LOXL1: variants seen among roughly 807,000 people sequenced by gnomAD.
The protein encoded by LOXL1 is lysyl oxidase homolog 1.
Under a neutral mutation model 62.2 loss-of-function variants are expected in LOXL1, and 31 were observed. That is an observed-to-expected ratio of 0.50 (90% CI 0.37 to 0.67). The LOEUF is 0.67. Among genes scored for constraint, LOXL1 ranks in the 30% least tolerant of loss-of-function variants. The pLI is 0.00. For missense variants in LOXL1, 775 were observed against 843.4 expected, an observed-to-expected ratio of 0.92 and a Z score of 1.00; for synonymous variants, 403 against 384.4, an observed-to-expected ratio of 1.05 and a Z score of -0.56.
intron 1 of LOXL1, among the ~76,000 whole-genome samples, chr15:73,928,672 T>C (rs1595842847): frequency 6.7e-6 from 1 of 148,996 alleles, no homozygotes; most frequent in Non-Finnish European, 1.5e-5. Flanking sequence ...TCAGTAATAG[T>C]GGTATGCCGA....
chr15:73,951,518 A>T (rs996225715), intron 6 of LOXL1, among the ~76,000 whole-genome samples: 1 of 152,118 alleles, frequency 6.6e-6, no homozygotes, highest in Non-Finnish European at 1.5e-5. Flanking sequence ...TTAAAAAAAA[A>T]AAAGTACTGA....
intron 1 of LOXL1, among the ~76,000 whole-genome samples, chr15:73,932,393 T>C (rs1444631165): frequency 6.6e-6 from 1 of 151,134 alleles, no homozygotes; most frequent in Non-Finnish European, 1.5e-5. Flanking sequence ...ACCATGCATT[T>C]AAAAAAAAAA....
chr15:73,935,880 C>G (rs895317735), intron 1 of LOXL1, among the ~76,000 whole-genome samples: 1 of 149,874 alleles, frequency 6.7e-6, no homozygotes, highest in African/African-American at 2.5e-5. Flanking sequence ...GTGTTCAGGA[C>G]TGACAGGGTG....
chr15:73,930,284 C>T lies in LOXL1; in HGVS notation c.1102+2399C>T, dbSNP rs1051038695. ...ACTTCCACAGGAAGCAATGTCTAAG[C>T]ATTGCTGCAAGGGATGGTCATCAGC... is the stretch of plus-strand genomic sequence containing the variant. On this transcript the variant is annotated intron_variant, in intron 1 of 6. Transcript: ENST00000261921. The surrounding 1 kb of genome is among the most constrained non-coding windows in gnomAD (Gnocchi z 4.7). Among the ~76,000 whole-genome samples the T allele has an allele frequency of 6.6e-6, 1 of 152,176 alleles. No individual in the cohort carries two copies. The highest frequency in any genetic ancestry group is 2.4e-5 in the African/African-American group (1 of 41,436).
At position 73,927,442 on chromosome 15, in the gene LOXL1, C is replaced by A; in HGVS notation, c.659C>A (p.Ala220Asp). ...GGVGAGAAAV[A>D]SAGVIYPYQP... ...GTGGGCGCGGGGGCGGCGGCCGTGG[C>A]CTCGGCGGGGGTCATCTACCCCTAC... Residue 220 changes from alanine to aspartate, a missense_variant, in exon 1 of 7, where the codon GCC becomes GAC. Coordinates refer to ENST00000261921, the MANE Select transcript of LOXL1 (RefSeq NM_005576.4). 6.9e-7 allele frequency: 1 copy of A among 1,455,944 alleles called. No homozygotes were observed. Among genetic ancestry groups the A allele is most frequent in the Non-Finnish European group, 9.0e-7 (1 of 1,105,702 alleles). 90.2% of individuals were successfully genotyped at this position (1,455,944 alleles called of 1,614,324 possible).
In LOXL1 at chr15:73,939,845, T is replaced by G. The variant is rs546522426; in HGVS notation, c.1103-3009T>G. On this transcript the variant is annotated intron_variant, in intron 1 of 6. Coordinates refer to ENST00000261921, the MANE Select transcript of LOXL1 (RefSeq NM_005576.4). The stretch of plus-strand genomic sequence containing the variant: ...GGATCTCCTCCTGGGGTACCCCAGC[T>G]CCCTGTGTGACCCTGTGCAGATTTA... Among the ~76,000 whole-genome samples the G allele has an allele frequency of 1.9e-3, 293 of 152,236 alleles. 4 individuals are homozygous for G. The highest frequency in any genetic ancestry group is 6.8e-3 in the African/African-American group (281 of 41,538).
Position 73,949,465 on chromosome 15 carries a change from G to C in LOXL1, c.1609G>C (p.Val537Leu). 1.9e-6 allele frequency: 3 copies of C among 1,609,058 alleles called. No individual in the cohort carries two copies. Among genetic ancestry groups the C allele is most frequent in the Non-Finnish European group, 2.6e-6 (3 of 1,175,422 alleles). Residue 537 changes from valine to leucine, a missense_variant, in exon 6 of 7, where the codon GTG (valine) becomes CTG (leucine). Coordinates refer to ENST00000261921, the MANE Select transcript of LOXL1 (RefSeq NM_005576.4). ...QPGNYILKVH[V>L]NPKYIVLESD... ...TGTTTCTCTTCTTCCTCAGGTGCAC[G>C]TGAACCCAAAGTATATTGTTTTGGA...
At chr15:73,949,889 T>C (rs1167095110) in intron 6 of LOXL1, among the ~76,000 whole-genome samples, 3 of 152,160 alleles carry the variant, frequency 2.0e-5, no homozygotes, top group Non-Finnish European at 4.4e-5. Context: ...CACAGCTTCC[T>C]CGCTATGTGA....
At chr15:73,944,447 A>G (rs1310351620) in intron 2 of LOXL1, among the ~76,000 whole-genome samples, 1 of 152,206 alleles carries the variant, frequency 6.6e-6, no homozygotes, top group Non-Finnish European at 1.5e-5. Context: ...ACGAGTGGGA[A>G]AAGAGCCAGA....
chr15:73,951,758 G>A lies in LOXL1; in HGVS notation c.1719-73G>A. 6 of 1,386,844 alleles carry A rather than the reference G, an allele frequency of 4.3e-6. No individual in the cohort carries two copies. In the South Asian group the frequency reaches 6.1e-5, roughly 14 times the overall value. 85.9% of individuals were successfully genotyped at this position (1,386,844 alleles called of 1,614,324 possible). A position where few individuals can be genotyped will look rare whatever the true frequency, so the allele number is the denominator to read the frequency against. On this transcript the variant is annotated intron_variant, in intron 6 of 6. Coordinates refer to ENST00000261921, the MANE Select transcript of LOXL1 (RefSeq NM_005576.4). ...CACGAGGGATCTGGGCTGTGGGAGG[G>A]ACGCCCTGGCTGAGGAGGCCACGGG...
chr15:73,932,306 G>A (rs1205358607), intron 1 of LOXL1, among the ~76,000 whole-genome samples: 2 of 152,202 alleles, frequency 1.3e-5, no homozygotes, highest in Non-Finnish European at 2.9e-5. Context: ...CAGATGTGGT[G>A]ACGAGCTCAC....
rs989378807 is a variant in LOXL1 at position 73,926,594 on chromosome 15, C to G, written c.-190C>G. 2 of 605,458 alleles carry G rather than the reference C, an allele frequency of 3.3e-6. No homozygotes were observed. Among genetic ancestry groups the G allele is most frequent in the Non-Finnish European group, 5.1e-6 (2 of 396,026 alleles). The allele number at this position is 605,458 out of a possible 1,614,324, so 37.5% of individuals were successfully genotyped here. ...GCCCTGGGCACCGCCCCTGCCCTGC[C>G]CTGACCCCTTGGCCTTGAAATGCTG... On this transcript the variant is annotated 5_prime_UTR_variant, in exon 1 of 7. Transcript: ENST00000261921.
At chr15:73,938,409 T>C (rs1012839814) in intron 1 of LOXL1, among the ~76,000 whole-genome samples, 8 of 151,122 alleles carry the variant, frequency 5.3e-5, no homozygotes, top group African/African-American at 1.9e-4. Context: ...GTGAACTAGA[T>C]AGACCTTAAA....
Position 73,945,679 on chromosome 15 carries a change from G to A in LOXL1, c.1212-738G>A, listed in dbSNP as rs10775207. ...TCAACAATTAGGGCTCTGTCTTGTT[G>A]TCAGAGACTTATCAGAATCTCCTGG... On this transcript the variant is annotated intron_variant, in intron 2 of 6. Coordinates refer to ENST00000261921, the MANE Select transcript of LOXL1 (RefSeq NM_005576.4). The surrounding 1 kb of genome is among the most constrained non-coding windows in gnomAD (Gnocchi z 4.3). Among the ~76,000 whole-genome samples, 145,716 of 152,098 alleles carry A rather than the reference G, an allele frequency of 0.96. 69,949 individuals carry two copies. The highest frequency in any genetic ancestry group is 1 in the East Asian group (5,169 of 5,170).
chr15:73,938,315 C>CTATT (rs748345626), intron 1 of LOXL1, among the ~76,000 whole-genome samples: 1 of 140,208 alleles, frequency 7.1e-6, no homozygotes, highest in Non-Finnish European at 1.6e-5. Context: ...ATCTATCTAT[C>CTATT]TAGGTAGATA....
intron 5 of LOXL1, among the ~76,000 whole-genome samples, chr15:73,948,251 G>T (rs1225316568): frequency 1.3e-5 from 2 of 152,160 alleles, no homozygotes; most frequent in Non-Finnish European, 2.9e-5. Flanking sequence ...GGCAGACTTT[G>T]TATCATTTGG....
chr15:73,948,607 C>T (rs1037030000), intron 5 of LOXL1, among the ~76,000 whole-genome samples: 20 of 152,304 alleles, frequency 1.3e-4, no homozygotes, highest in South Asian at 1.0e-3. Context: ...GGTTTGCAGG[C>T]GGAGGCCTTC....
At position 73,927,332 on chromosome 15, in the gene LOXL1, C is replaced by G. The variant is rs1350190330; in HGVS notation, c.549C>G (p.Pro183=). Residue 183 remains proline, a synonymous_variant, in exon 1 of 7, where the codon CCC becomes CCG. Transcript: ENST00000261921. ...YPQQFPYPQA[P]FVSQYENYDP... is the part of the protein sequence containing the mutation. ...AGCAGTTCCCCTACCCGCAGGCGCCCTTCGTCAGCCAGTACGAGAACTACG... is the reference window on the plus strand; with the variant it reads ...AGCAGTTCCCCTACCCGCAGGCGCCGTTCGTCAGCCAGTACGAGAACTACG... 1.2e-6 allele frequency: 2 copies of G among 1,602,746 alleles called. No homozygotes were observed. Among genetic ancestry groups the G allele is most frequent in the African/African-American group, 2.7e-5 (2 of 73,742 alleles).
In LOXL1 at chr15:73,947,206, T is replaced by C; in HGVS notation, c.1489T>C (p.Cys497Arg). The C allele has an allele frequency of 6.2e-7, 1 of 1,608,658 alleles. No individual in the cohort carries two copies. The highest frequency in any genetic ancestry group is 1.1e-5 in the South Asian group (1 of 90,812). ...CDFGNLKRYA[C>R]TSHTQGLSPG... ...CTTCGGCAACCTCAAGCGCTATGCA[T>C]GCACCTCTCATACCCAGGTTGGGCT... The change falls in exon 4 of 7, where the codon TGC becomes CGC. Residue 497 changes from cysteine (C) to arginine (R), a missense_variant. Physicochemically the swap from Cys to Arg is radical, Grantham distance 180. Transcript: ENST00000261921.
Sources: allele counts gnomAD v4.1 joint callset (sites outside exome capture counted in the v4.1 genomes callset), GRCh38; gene constraint gnomAD v4.1.1; non-coding constraint Gnocchi (gnomAD v3.1); transcripts MANE v1.5; gene names NCBI Gene and HGNC (gene_info 2026-07-23, HGNC 2026-07-21).